WDR7: variants seen among roughly 807,000 people sequenced by gnomAD.
The protein encoded by WDR7 is WD repeat domain 7.
In WDR7, 46 loss-of-function variants were observed where a neutral mutation model predicts 169.4. The ratio of observed to expected loss-of-function variants is 0.27; its 90% CI spans 0.21 to 0.35. The LOEUF (loss-of-function observed/expected upper bound fraction) is 0.35. Ranked by LOEUF, WDR7 falls within the 10% of genes least tolerant of loss-of-function variation. The pLI, the probability that WDR7 is intolerant of heterozygous loss-of-function variation, is 1.00. For synonymous variants in WDR7, 612 were observed against 666.8 expected, an observed-to-expected ratio of 0.92 and a Z score of 1.27; for missense variants, 1,534 against 1,859.3, an observed-to-expected ratio of 0.83 and a Z score of 3.22.
chr18:56,779,595 C>A lies in WDR7; in HGVS notation c.3066+46C>A, dbSNP rs760662174. 4 of 1,455,978 alleles carry A rather than the reference C, an allele frequency of 2.7e-6. No individual in the cohort carries two copies. In the African/African-American group the frequency reaches 5.6e-5, roughly 21 times the overall value. The allele number at this position is 1,455,978 out of a possible 1,614,324, so 90.2% of individuals were successfully genotyped here. ...ATAGAAAACAAAAATATTAAAAAGGCATTGGTCAAATGTAAACTTGAAACA... is the reference window on the plus strand; with the variant it reads ...ATAGAAAACAAAAATATTAAAAAGGAATTGGTCAAATGTAAACTTGAAACA... On this transcript the variant is annotated intron_variant, in intron 18 of 27. Coordinates refer to ENST00000254442, the MANE Select transcript of WDR7 (RefSeq NM_015285.3).
rs953884877 is a variant in WDR7, at chr18:56,666,545, C to T, written c.-19-5952C>T. On this transcript the variant is annotated intron_variant, in intron 1 of 27. Transcript: ENST00000254442. ...ACACCACTTAGCCCATATTCTCTTT[C>T]CTCTCCCAGGAGCCACTGATCACAG... Among the ~76,000 whole-genome samples, 28 of 152,160 alleles carry T rather than the reference C, an allele frequency of 1.8e-4. 1 individual carries two copies. The highest frequency in any genetic ancestry group is 6.7e-4 in the African/African-American group (28 of 41,542).
At chr18:56,682,539 T>TATTAA in intron 4 of WDR7, 140 bp from the exon 5 acceptor site, 1 of 870,410 alleles carries the variant, frequency 1.1e-6, no homozygotes, top group Non-Finnish European at 1.7e-6. Flanking sequence ...TATGTACCAT[T>TATTAA]TGGTAAATAT....
chr18:56,672,003 G>A (rs1349268464), intron 1 of WDR7, among the ~76,000 whole-genome samples: 2 of 152,128 alleles, frequency 1.3e-5, no homozygotes, highest in Non-Finnish European at 2.9e-5. Context: ...CATACAACTT[G>A]GGATCTGAAG....
intron 20 of WDR7, among the ~76,000 whole-genome samples, chr18:56,845,945 A>G (rs927493385): frequency 2.0e-5 from 3 of 152,188 alleles, no homozygotes; most frequent in Non-Finnish European, 2.9e-5. Flanking sequence ...TATGTATTTA[A>G]TAGCCTGCCC....
At chr18:56,908,410 A>G (rs1371987730) in intron 21 of WDR7, among the ~76,000 whole-genome samples, 3 of 152,160 alleles carry the variant, frequency 2.0e-5, no homozygotes, top group Non-Finnish European at 2.9e-5. Context: ...TTGATTACGA[A>G]CCCAGTTTAT....
intron 20 of WDR7, among the ~76,000 whole-genome samples, chr18:56,844,948 A>G (rs2045545378): frequency 6.6e-6 from 1 of 152,160 alleles, no homozygotes. Context: ...GTATTTTATC[A>G]TTAGTTATTG....
rs561399290 is a variant in WDR7, at chr18:56,748,655, A to G, written c.1990-7928A>G. ...TTTATGCTTATTAACATACTTGTTA[A>G]TGAAAACATATGAAAAGTCAAATAA... On this transcript the variant is annotated intron_variant, in intron 14 of 27. Transcript: ENST00000254442. Among the ~76,000 whole-genome samples, 4 of 152,270 alleles carry G rather than the reference A, an allele frequency of 2.6e-5. No individual in the cohort carries two copies. In the South Asian group the frequency reaches 8.3e-4, roughly 32 times the overall value.
intron 12 of WDR7, among the ~76,000 whole-genome samples, chr18:56,707,955 C>T (rs542075394): frequency 2.3e-4 from 35 of 151,688 alleles, no homozygotes; most frequent in African/African-American, 3.6e-4. Flanking sequence ...TCTGTCAACC[C>T]GTTTGTTTCC....
At chr18:56,770,129 G>A (rs578211331) in intron 16 of WDR7, among the ~76,000 whole-genome samples, 26 of 152,292 alleles carry the variant, frequency 1.7e-4, no homozygotes, top group Non-Finnish European at 3.5e-4. Flanking sequence ...CAATAACTAC[G>A]TGCTGAGGCT....
At chr18:56,708,622 T>C (rs2144699122) in intron 12 of WDR7, among the ~76,000 whole-genome samples, 1 of 152,160 alleles carries the variant, frequency 6.6e-6, no homozygotes, top group Non-Finnish European at 1.5e-5. Context: ...GGGGCAACAC[T>C]TTGAGTTCCT....
chr18:56,703,121 A>G (rs2025868389), intron 12 of WDR7, among the ~76,000 whole-genome samples: 1 of 152,216 alleles, frequency 6.6e-6, no homozygotes, highest in Admixed American at 6.5e-5. Context: ...TGGATTTGTG[A>G]AAACAGGAAT....
intron 25 of WDR7, among the ~76,000 whole-genome samples, chr18:56,945,609 A>G (rs2047092689): frequency 6.6e-6 from 1 of 152,198 alleles, no homozygotes; most frequent in Non-Finnish European, 1.5e-5. Flanking sequence ...GGTGAAATTT[A>G]GAAACATGCA....
chr18:56,873,963 G>A (rs930550228), intron 20 of WDR7: 2 of 152,208 alleles, frequency 1.3e-5, no homozygotes, highest in Non-Finnish European at 2.9e-5. Context: ...GAGGTCAGCT[G>A]ACAGAACAAT....
chr18:56,696,253 C>T lies in WDR7; in HGVS notation c.1369C>T (p.His457Tyr), dbSNP rs1335780436. 2.5e-6 allele frequency: 4 copies of T among 1,611,090 alleles called. No homozygotes were observed. The highest frequency in any genetic ancestry group is 2.5e-6 in the Non-Finnish European group (3 of 1,178,466). Residue 457 changes from histidine to tyrosine, a missense_variant, in exon 12 of 28, where the codon CAC becomes TAC. Physicochemically the swap from His to Tyr is moderately conservative, Grantham distance 83. Coordinates refer to ENST00000254442, the MANE Select transcript of WDR7 (RefSeq NM_015285.3). Reference sequence around the variant, plus strand: ...ACCCTCATTCACAGGTTGGCCACCTCACAGAACACTCCGTGGTCATCGGAA... The same window carrying T: ...ACCCTCATTCACAGGTTGGCCACCTTACAGAACACTCCGTGGTCATCGGAA... The part of the protein sequence containing the change: ...EHMLRRGWPP[H>Y]RTLRGHRNKV...
At chr18:56,769,935 T>C (rs931599332) in intron 16 of WDR7, among the ~76,000 whole-genome samples, 2 of 152,234 alleles carry the variant, frequency 1.3e-5, no homozygotes, top group African/African-American at 2.4e-5. Flanking sequence ...TTTTTTTTAA[T>C]TGGTGTACAC....
chr18:56,938,385 A>G, intron 23 of WDR7, 148 bp from the exon 24 acceptor site: 1 of 997,678 alleles, frequency 1.0e-6, no homozygotes, highest in Non-Finnish European at 1.4e-6. Context: ...TATACTAAGT[A>G]TTGTTTTTGT....
At chr18:56,818,057 TAAGCC>T (rs1426880762) in intron 20 of WDR7, among the ~76,000 whole-genome samples, 5 of 152,300 alleles carry the variant, frequency 3.3e-5, no homozygotes, top group African/African-American at 1.2e-4. Context: ...TGCAGATTTT[TAAGCC>T]AGTCCGTGTT....
At chr18:57,019,513 A>G (rs532019606) in intron 26 of WDR7, among the ~76,000 whole-genome samples, 1 of 152,250 alleles carries the variant, frequency 6.6e-6, no homozygotes, top group African/African-American at 2.4e-5. Context: ...TTCTATACCA[A>G]CATAACTTTT....
At chr18:56,967,151 A>G (rs8090210) in intron 26 of WDR7, among the ~76,000 whole-genome samples, 15,974 of 152,172 alleles carry the variant, frequency 0.1, 2,669 homozygotes, top group African/African-American at 0.35. Flanking sequence ...GTAGGTGCTA[A>G]GGCCAGGAGT....
Sources: gnomAD v4.1 joint callset for allele counts (sites outside exome capture counted in the v4.1 genomes callset) on GRCh38, gnomAD v4.1.1 for gene constraint, MANE v1.5 for transcripts, NCBI Gene and HGNC (gene_info 2026-07-23, HGNC 2026-07-21) for gene names.